Variants in CACNA1A observed in about 807,000 individuals in gnomAD.
CACNA1A encodes calcium voltage-gated channel subunit alpha1 A, also known as voltage-dependent P/Q-type calcium channel subunit alpha-1A.
In CACNA1A, 57 loss-of-function variants were observed where a neutral mutation model predicts 262.4. The ratio of observed to expected loss-of-function variants is 0.22; its 90% CI spans 0.18 to 0.27. The LOEUF (loss-of-function observed/expected upper bound fraction) is 0.27. Ranked by LOEUF, CACNA1A falls within the 10% of genes least tolerant of loss-of-function variation. The pLI, the probability that CACNA1A is intolerant of heterozygous loss-of-function variation, is 1.00. For missense variants in CACNA1A, 2,526 were observed against 3,562.8 expected, an observed-to-expected ratio of 0.71 and a Z score of 7.41; for synonymous variants, 1,431 against 1,419.3, an observed-to-expected ratio of 1.01 and a Z score of -0.18.
chr19:13,278,145 ATGGCCACCAGAGGGCGC>A (rs1425359933), intron 22 of CACNA1A, among the ~76,000 whole-genome samples: 1 of 151,494 alleles, frequency 6.6e-6, no homozygotes, highest in Non-Finnish European at 1.5e-5. Flanking sequence ...ATTACTGAAC[ATGGCCACCAGAGGGCGC>A]TGTGAACACC....
At chr19:13,237,688 G>A (rs1311575386) in intron 31 of CACNA1A, among the ~76,000 whole-genome samples, 1 of 152,182 alleles carries the variant, frequency 6.6e-6, no homozygotes, top group Non-Finnish European at 1.5e-5. Context: ...GGGCTCAAGT[G>A]CTGTGAGAAT....
intron 22 of CACNA1A, among the ~76,000 whole-genome samples, chr19:13,279,767 G>A (rs900792050): frequency 2.8e-4 from 42 of 148,512 alleles, no homozygotes; most frequent in Admixed American, 9.5e-4. Context: ...TTACAGGTGC[G>A]AGCCCGGCCC....
At chr19:13,390,454 G>T (rs2059691824) in intron 3 of CACNA1A, among the ~76,000 whole-genome samples, 1 of 152,158 alleles carries the variant, frequency 6.6e-6, no homozygotes, top group Non-Finnish European at 1.5e-5. Flanking sequence ...GAACTTTCTG[G>T]ATGATAAATC....
intron 3 of CACNA1A, among the ~76,000 whole-genome samples, chr19:13,390,005 C>T (rs142630585): frequency 2.0e-5 from 3 of 150,578 alleles, no homozygotes; most frequent in Non-Finnish European, 3.0e-5. Context: ...AGTACGGACG[C>T]GGTTTTACCA....
At chr19:13,340,080 A>C (rs1195089327) in intron 6 of CACNA1A, among the ~76,000 whole-genome samples, 1 of 152,114 alleles carries the variant, frequency 6.6e-6, no homozygotes, top group Non-Finnish European at 1.5e-5. Flanking sequence ...ACCGGCCGCC[A>C]GTAGGGAGAC....
intron 3 of CACNA1A, among the ~76,000 whole-genome samples, chr19:13,378,228 G>A (rs898471146): frequency 2.6e-5 from 4 of 152,162 alleles, no homozygotes; most frequent in East Asian, 1.9e-4. Flanking sequence ...TGCATGAGGC[G>A]TTACTTGTTA....
rs532650659 is a variant in CACNA1A, at chr19:13,500,994, G to A, written c.293+4938C>T. Reference sequence around the variant, plus strand: ...CGGCAAAAGGCAAAGCTGTAGGGATGGAGAACAGATCAGTGGTTGAAGGGG... The same window carrying A: ...CGGCAAAAGGCAAAGCTGTAGGGATAGAGAACAGATCAGTGGTTGAAGGGG... On this transcript the variant is annotated intron_variant, in intron 1 of 46. Coordinates refer to ENST00000360228, the MANE Select transcript of CACNA1A (RefSeq NM_001127222.2). 5.3e-5 allele frequency among the ~76,000 whole-genome samples: 8 copies of A among 152,220 alleles called. No homozygotes were observed. In the South Asian group the frequency reaches 1.5e-3, roughly 28 times the overall value.
intron 1 of CACNA1A, among the ~76,000 whole-genome samples, chr19:13,473,011 G>T (rs558937713): frequency 2.0e-5 from 3 of 152,132 alleles, no homozygotes; most frequent in African/African-American, 7.2e-5. Context: ...CCAGCACTTC[G>T]GGAGGCTGAG....
At chr19:13,285,359 G>C (rs965452971) in intron 20 of CACNA1A, among the ~76,000 whole-genome samples, 153 bp from the exon 21 acceptor site, 1 of 152,110 alleles carries the variant, frequency 6.6e-6, no homozygotes. Context: ...CTGAACCCTT[G>C]TATAGCCCTG....
At chr19:13,276,095 G>A (rs1163696472) in intron 23 of CACNA1A, 139 bp from the exon 24 acceptor site, 2 of 617,170 alleles carry the variant, frequency 3.2e-6, no homozygotes, top group Non-Finnish European at 5.8e-6. Flanking sequence ...GCAGTGGCCA[G>A]AGGACTCCAG....
At chr19:13,338,681 T>C (rs2058620258) in intron 6 of CACNA1A, among the ~76,000 whole-genome samples, 1 of 152,098 alleles carries the variant, frequency 6.6e-6, no homozygotes, top group East Asian at 1.9e-4. Flanking sequence ...AAAGTCCTGG[T>C]AGGGGTACCC....
chr19:13,299,391 G>A, intron 18 of CACNA1A, 38 bp from the exon 19 acceptor site: 3 of 1,578,876 alleles, frequency 1.9e-6, no homozygotes, highest in Non-Finnish European at 2.6e-6. Flanking sequence ...AGCATTGCTA[G>A]GCACTGTAGC....
At chr19:13,323,633 T>G (rs1335504017) in intron 10 of CACNA1A, among the ~76,000 whole-genome samples, 1 of 150,578 alleles carries the variant, frequency 6.6e-6, no homozygotes, top group African/African-American at 2.4e-5. Flanking sequence ...TTCTTGCTGT[T>G]GAGTTGTTTG....
chr19:13,251,862 T>A (rs1019614138), intron 30 of CACNA1A, among the ~76,000 whole-genome samples: 1 of 152,050 alleles, frequency 6.6e-6, no homozygotes, highest in Non-Finnish European at 1.5e-5. Flanking sequence ...CTTTGTGGGT[T>A]CAAGCGATTC....
In CACNA1A at chr19:13,371,412, G is replaced by C. The variant is rs566545796; in HGVS notation, c.631+276C>G. On this transcript the variant is annotated intron_variant, in intron 4 of 46. Coordinates refer to ENST00000360228, the MANE Select transcript of CACNA1A (RefSeq NM_001127222.2). Reference sequence around the variant, plus strand: ...TCAGTCCTATCAACTTCATAGGGCTGTGAGTACTGAATGAGATCACACGTG... The same window carrying C: ...TCAGTCCTATCAACTTCATAGGGCTCTGAGTACTGAATGAGATCACACGTG... 2.5e-5 allele frequency: 10 copies of C among 402,264 alleles called. No individual in the cohort carries two copies. The South Asian group carries it at 4.6e-4, about 19-fold the overall frequency. The allele number at this position is 402,264 out of a possible 1,614,324, so 24.9% of individuals were successfully genotyped here. A position where few individuals can be genotyped will look rare whatever the true frequency, so the allele number is the denominator to read the frequency against.
intron 46 of CACNA1A, 37 bp downstream of exon 46, chr19:13,208,719 C>A (rs1482273476): frequency 2.0e-6 from 3 of 1,536,340 alleles, no homozygotes; most frequent in East Asian, 2.3e-5. Context: ...CGCCTCCCGG[C>A]CGAGCCCAGC....
chr19:13,432,295 A>G (rs1415905996), intron 3 of CACNA1A, among the ~76,000 whole-genome samples: 1 of 147,278 alleles, frequency 6.8e-6, no homozygotes, highest in Non-Finnish European at 1.5e-5. Context: ...AGCACCTGTA[A>G]CCCCAGCTAC....
rs537799917 is a variant in CACNA1A at position 13,330,875 on chromosome 19, C to T, written c.1256-542G>A. On this transcript the variant is annotated intron_variant, in intron 9 of 46. Transcript: ENST00000360228. Reference sequence around the variant, plus strand: ...AAGTGCTAGGATTACAGGCGTGAGCCGCCCCACTCAGCCTCTATTTTTAAA... The same window carrying T: ...AAGTGCTAGGATTACAGGCGTGAGCTGCCCCACTCAGCCTCTATTTTTAAA... Among the ~76,000 whole-genome samples, 29 of 152,280 alleles carry T rather than the reference C, an allele frequency of 1.9e-4. No homozygotes were observed. The South Asian group carries it at 3.9e-3, about 21-fold the overall frequency.
chr19:13,395,670 A>AT (rs1368325533), intron 3 of CACNA1A, among the ~76,000 whole-genome samples: 1 of 152,162 alleles, frequency 6.6e-6, no homozygotes, highest in African/African-American at 2.4e-5. Context: ...ACCGTAGGTT[A>AT]TAAGGATCCC....
Sources: gnomAD v4.1 joint callset for allele counts (sites outside exome capture counted in the v4.1 genomes callset) on GRCh38, gnomAD v4.1.1 for gene constraint, MANE v1.5 for transcripts, NCBI Gene and HGNC (gene_info 2026-07-23, HGNC 2026-07-21) for gene names.